STON2: variants seen among roughly 807,000 people sequenced by gnomAD.
STON2 encodes the protein stonin 2, also known as stonin-2.
A neutral mutation model predicts 65.7 loss-of-function variants in STON2; 29 were observed. The observed-to-expected ratio is 0.44, with a 90% CI of 0.33 to 0.60. The LOEUF is 0.60. Ranked by LOEUF, STON2 falls within the 20% of genes least tolerant of loss-of-function variation. The probability of loss-of-function intolerance (pLI) is 0.03; values close to 1 mark genes in which losing one functional copy is unlikely to be tolerated. For missense variants in STON2, 1,054 were observed against 1,118.1 expected, an observed-to-expected ratio of 0.94 and a Z score of 0.82; for synonymous variants, 404 against 414.2, an observed-to-expected ratio of 0.98 and a Z score of 0.30.
intron 5 of STON2, among the ~76,000 whole-genome samples, chr14:81,302,916 A>T (rs115348089): frequency 3.9e-5 from 6 of 152,370 alleles, no homozygotes; most frequent in African/African-American, 1.4e-4. Context: ...TGTTTCTGCT[A>T]TAATTAATGT....
intron 2 of STON2, among the ~76,000 whole-genome samples, chr14:81,409,104 A>C (rs1901021454): frequency 6.6e-6 from 1 of 152,138 alleles, no homozygotes; most frequent in African/African-American, 2.4e-5. Context: ...AATTTCAGAG[A>C]AGATAAAATA....
intron 2 of STON2, among the ~76,000 whole-genome samples, chr14:81,413,852 A>C (rs1396780839): frequency 7.1e-6 from 1 of 140,426 alleles, no homozygotes; most frequent in Non-Finnish European, 1.5e-5. Flanking sequence ...AAGAAAACAA[A>C]GCTTTCTCAC....
At chr14:81,363,579 T>G (rs1898591825) in intron 4 of STON2, among the ~76,000 whole-genome samples, 1 of 151,730 alleles carries the variant, frequency 6.6e-6, no homozygotes, top group Non-Finnish European at 1.5e-5. Flanking sequence ...AGAACAGAAA[T>G]GAGGTCAAAT....
chr14:81,342,610 A>G (rs1897656065), intron 4 of STON2, among the ~76,000 whole-genome samples: 1 of 152,156 alleles, frequency 6.6e-6, no homozygotes, highest in Non-Finnish European at 1.5e-5. Flanking sequence ...TGATCCACAC[A>G]TCTGAGCTCT....
intron 2 of STON2, among the ~76,000 whole-genome samples, chr14:81,414,955 C>T (rs937978450): frequency 6.6e-6 from 1 of 152,092 alleles, no homozygotes; most frequent in African/African-American, 2.4e-5. Flanking sequence ...TGCCCATGGT[C>T]GTCCATCAAA....
intron 5 of STON2, among the ~76,000 whole-genome samples, chr14:81,310,879 G>C (rs1463995980): frequency 1.3e-5 from 2 of 152,100 alleles, no homozygotes; most frequent in African/African-American, 4.8e-5. Flanking sequence ...TTTCATAGGT[G>C]TTTTCCTCTA....
At chr14:81,431,351 T>C in intron 1 of STON2, among the ~76,000 whole-genome samples, 1 of 152,196 alleles carries the variant, frequency 6.6e-6, no homozygotes, top group Non-Finnish European at 1.5e-5. Flanking sequence ...AATATGCATA[T>C]AGAAGGCCGG....
intron 4 of STON2, among the ~76,000 whole-genome samples, chr14:81,344,659 G>A (rs1255565312): frequency 6.6e-6 from 1 of 152,156 alleles, no homozygotes; most frequent in Admixed American, 6.5e-5. Context: ...TAAAGAGTAT[G>A]ACATTTAGAC....
intron 2 of STON2, among the ~76,000 whole-genome samples, chr14:81,420,056 C>T (rs1052100504): frequency 6.6e-6 from 1 of 152,174 alleles, no homozygotes; most frequent in African/African-American, 2.4e-5. Context: ...TGGCCCAACT[C>T]CCCACATTTT....
rs574080769 is a variant in STON2, at chr14:81,262,975, A to G, written c.*5439T>C. On this transcript the variant is annotated 3_prime_UTR_variant, in exon 8 of 8. Transcript: ENST00000614646. ...GGGGAATTAGCACTTAGACCTTGGT[A>G]ATGTTTAGAAATCATCTTTAGAAAC... The G allele has an allele frequency of 1.0e-6, 1 of 985,402 alleles. No homozygotes were observed. The highest frequency in any genetic ancestry group is 1.2e-6 in the Non-Finnish European group (1 of 829,868). The allele number at this position is 985,402 out of a possible 1,614,324, so 61.0% of individuals were successfully genotyped here.
chr14:81,361,288 A>G (rs1898482893), intron 4 of STON2, among the ~76,000 whole-genome samples: 1 of 152,204 alleles, frequency 6.6e-6, no homozygotes, highest in South Asian at 2.1e-4. Flanking sequence ...AGAGCATGAT[A>G]CTAGCATAAA....
intron 4 of STON2, among the ~76,000 whole-genome samples, chr14:81,341,159 T>C (rs894770922): frequency 2.0e-5 from 3 of 152,140 alleles, no homozygotes; most frequent in Non-Finnish European, 4.4e-5. Flanking sequence ...ATAACTACTA[T>C]TACAAATGTC....
At chr14:81,273,614 TGGCTGGGCTGGGCCA>T (rs1196098465) in intron 6 of STON2, among the ~76,000 whole-genome samples, 5 of 152,060 alleles carry the variant, frequency 3.3e-5, no homozygotes, top group South Asian at 2.1e-4. Flanking sequence ...CCCACGTATG[TGGCTGGGCTGGGCCA>T]GGCTGGGCTG....
At chr14:81,298,538 T>C (rs1360529316) in intron 5 of STON2, among the ~76,000 whole-genome samples, 1 of 152,162 alleles carries the variant, frequency 6.6e-6, no homozygotes, top group Non-Finnish European at 1.5e-5. Flanking sequence ...CTGAAATCCC[T>C]GATCTATATA....
chr14:81,433,567 T>C (rs1228003190), intron 1 of STON2, among the ~76,000 whole-genome samples: 1 of 152,218 alleles, frequency 6.6e-6, no homozygotes, highest in Non-Finnish European at 1.5e-5. Context: ...TGGTTTAGAC[T>C]TCCCCATACC....
intron 1 of STON2, among the ~76,000 whole-genome samples, chr14:81,429,302 C>A (rs1276050983): frequency 6.6e-6 from 1 of 152,202 alleles, no homozygotes; most frequent in Non-Finnish European, 1.5e-5. Flanking sequence ...TATAGAAGCA[C>A]CAGGGGATTT....
At chr14:81,404,130 G>C (rs1311859720), upstream of STON2, among the ~76,000 whole-genome samples, 3 of 152,124 alleles carry the variant, frequency 2.0e-5, no homozygotes, top group African/African-American at 7.2e-5. Context: ...GTTTTAGGAA[G>C]GTTAATTTAA....
At chr14:81,389,364 C>A (rs1899969899) in intron 3 of STON2, among the ~76,000 whole-genome samples, 1 of 152,146 alleles carries the variant, frequency 6.6e-6, no homozygotes. Context: ...TACAGCACAC[C>A]AAACACCTCT....
At chr14:81,425,634 C>G (rs1268790203) in intron 2 of STON2, among the ~76,000 whole-genome samples, 1 of 151,886 alleles carries the variant, frequency 6.6e-6, no homozygotes, top group Non-Finnish European at 1.5e-5. Context: ...ACCTTCTTAC[C>G]TGGCTCATGG....
Sources: gnomAD v4.1 joint callset for allele counts (sites outside exome capture counted in the v4.1 genomes callset) on GRCh38, gnomAD v4.1.1 for gene constraint, MANE v1.5 for transcripts, NCBI Gene and HGNC (gene_info 2026-07-23, HGNC 2026-07-21) for gene names.